Variants in FAM174A observed in about 807,000 individuals in gnomAD.
FAM174A encodes the protein membrane protein FAM174A.
FAM174A carries 14 observed loss-of-function variants against 14.3 expected under a neutral mutation model. That is an observed-to-expected ratio of 0.98 (90% CI 0.65 to 1.53). FAM174A has a LOEUF of 1.53. FAM174A is among the 40% of genes most tolerant of loss of function. The pLI is 0.00. For synonymous variants in FAM174A, 108 were observed against 111.4 expected (o/e 0.97, Z 0.19); for missense variants, 241 against 249.6 (o/e 0.97, Z 0.23).
intron 2 of FAM174A, among the ~76,000 whole-genome samples, chr5:100,583,697 T>C (rs1228440826): frequency 6.6e-6 from 1 of 152,216 alleles, no homozygotes; most frequent in East Asian, 1.9e-4. Flanking sequence ...GGCTCTATTG[T>C]AAATCCTGTG....
chr5:100,559,984 C>T (rs1746490584), intron 1 of FAM174A, among the ~76,000 whole-genome samples: 1 of 152,040 alleles, frequency 6.6e-6, no homozygotes, highest in Non-Finnish European at 1.5e-5. Context: ...TGTTCCGTTG[C>T]TGGTGAGGAG....
At chr5:100,544,177 A>G (rs560887451) in intron 1 of FAM174A, among the ~76,000 whole-genome samples, 10 of 152,286 alleles carry the variant, frequency 6.6e-5, no homozygotes, top group African/African-American at 1.9e-4. Context: ...CCTGGGCAAT[A>G]TAGTGAGACT....
chr5:100,558,844 A>T (rs1030826145), intron 1 of FAM174A, among the ~76,000 whole-genome samples: 1 of 151,930 alleles, frequency 6.6e-6, no homozygotes, highest in African/African-American at 2.4e-5. Flanking sequence ...TGCATGTGAG[A>T]TGGGTTTCCT....
chr5:100,542,310 C>G (rs541973701), intron 1 of FAM174A, among the ~76,000 whole-genome samples: 8 of 152,224 alleles, frequency 5.3e-5, no homozygotes, highest in African/African-American at 1.9e-4. Flanking sequence ...TATTTTTATC[C>G]CTGGACAAAT....
At chr5:100,557,801 T>C (rs941073566) in intron 1 of FAM174A, among the ~76,000 whole-genome samples, 5 of 152,208 alleles carry the variant, frequency 3.3e-5, no homozygotes, top group African/African-American at 9.6e-5. Context: ...TATCATTTTT[T>C]ATTGCATCTG....
intron 2 of FAM174A, among the ~76,000 whole-genome samples, chr5:100,568,504 A>C (rs1222433739): frequency 6.6e-6 from 1 of 151,790 alleles, no homozygotes; most frequent in Admixed American, 6.6e-5. Flanking sequence ...TGTGCTTGCT[A>C]TACACACATA....
chr5:100,559,901 C>T (rs1487103323), intron 1 of FAM174A, among the ~76,000 whole-genome samples: 1 of 152,020 alleles, frequency 6.6e-6, no homozygotes, highest in Admixed American at 6.6e-5. Context: ...GAACTTCCTC[C>T]TTTAGCTCGG....
At chr5:100,581,921 A>G (rs1747025428) in intron 2 of FAM174A, among the ~76,000 whole-genome samples, 1 of 152,206 alleles carries the variant, frequency 6.6e-6, no homozygotes, top group African/African-American at 2.4e-5. Flanking sequence ...TTTGAGGTTA[A>G]TTACGAGTCT....
At chr5:100,583,862 T>C (rs1319572700) in intron 2 of FAM174A, among the ~76,000 whole-genome samples, 2 of 152,204 alleles carry the variant, frequency 1.3e-5, no homozygotes, top group South Asian at 2.1e-4. Flanking sequence ...ATCTCTTCCA[T>C]AGTGTTGAAT....
At chr5:100,565,187 A>G (rs1746616568) in intron 2 of FAM174A, among the ~76,000 whole-genome samples, 4 of 151,904 alleles carry the variant, frequency 2.6e-5, no homozygotes, top group Admixed American at 1.3e-4. Context: ...TTGTCCCTGG[A>G]ATGCAAATAT....
chr5:100,557,902 TG>T (rs531284682), intron 1 of FAM174A, among the ~76,000 whole-genome samples: 81 of 152,296 alleles, frequency 5.3e-4, no homozygotes, highest in African/African-American at 1.9e-3. Flanking sequence ...CTGGATTCAT[TG>T]ATTTTTTGAA....
intron 1 of FAM174A, among the ~76,000 whole-genome samples, chr5:100,537,628 C>T (rs929303312): frequency 1.3e-5 from 2 of 152,142 alleles, no homozygotes; most frequent in East Asian, 1.9e-4. Flanking sequence ...TGTTGGTTCA[C>T]AAAGGCTAGC....
intron 2 of FAM174A, chr5:100,581,489 A>C: frequency 3.4e-4 from 209 of 612,096 alleles, no homozygotes; most frequent in South Asian, 7.1e-4. Flanking sequence ...ATGGTGGCTC[A>C]TGCCTGTGAT....
intron 2 of FAM174A, 45 bp from the exon 3 acceptor site, chr5:100,586,136 T>A: frequency 9.4e-7 from 1 of 1,069,368 alleles, no homozygotes; most frequent in Admixed American, 2.3e-5. Flanking sequence ...TTTTTAAAAT[T>A]GTTCTAGAAA....
chr5:100,574,378 G>C (rs1411497758), intron 2 of FAM174A, among the ~76,000 whole-genome samples: 1 of 151,878 alleles, frequency 6.6e-6, no homozygotes, highest in Non-Finnish European at 1.5e-5. Flanking sequence ...AGTAGAGACA[G>C]GGTTTTACCT....
chr5:100,554,888 C>T (rs1370985918), intron 1 of FAM174A, among the ~76,000 whole-genome samples: 3 of 151,936 alleles, frequency 2.0e-5, no homozygotes, highest in Non-Finnish European at 4.4e-5. Context: ...GCATAAAATA[C>T]TATCTAATTT....
intron 1 of FAM174A, among the ~76,000 whole-genome samples, chr5:100,560,312 A>T (rs1009919165): frequency 2.6e-5 from 4 of 152,088 alleles, no homozygotes; most frequent in African/African-American, 9.7e-5. Flanking sequence ...ACACATATAC[A>T]TGTTAATGTA....
intron 2 of FAM174A, among the ~76,000 whole-genome samples, chr5:100,568,376 G>C (rs1746707090): frequency 6.6e-6 from 1 of 151,780 alleles, no homozygotes; most frequent in East Asian, 1.9e-4. Flanking sequence ...TGGTTTCTTT[G>C]AATGGGCACT....
chr5:100,547,713 A>G (rs547744307), intron 1 of FAM174A, among the ~76,000 whole-genome samples: 1 of 152,256 alleles, frequency 6.6e-6, no homozygotes, highest in South Asian at 2.1e-4. Flanking sequence ...ATACATCCAG[A>G]TGATATACAG....
Sources: gnomAD v4.1 joint callset for allele counts (sites outside exome capture counted in the v4.1 genomes callset) on GRCh38, gnomAD v4.1.1 for gene constraint, MANE v1.5 for transcripts, NCBI Gene and HGNC (gene_info 2026-07-23, HGNC 2026-07-21) for gene names.